Variants in TLL1 observed in about 807,000 individuals in gnomAD.
TLL1 encodes tolloid like 1.
In TLL1, 49 loss-of-function variants were observed where a neutral mutation model predicts 128.2. That is an observed-to-expected ratio of 0.38 (90% CI 0.30 to 0.48). TLL1 has a LOEUF of 0.48. Ranked by LOEUF, TLL1 falls within the 20% of genes least tolerant of loss-of-function variation. TLL1 has a pLI of 0.96. For synonymous variants in TLL1, 454 were observed against 418.8 expected, an observed-to-expected ratio of 1.08 and a Z score of -1.03; for missense variants, 1,123 against 1,242.0, an observed-to-expected ratio of 0.90 and a Z score of 1.44.
intron 1 of TLL1, among the ~76,000 whole-genome samples, chr4:165,957,733 T>G (rs1011746028): frequency 4.0e-5 from 6 of 151,384 alleles, no homozygotes; most frequent in African/African-American, 1.5e-4. Flanking sequence ...TTATTATACT[T>G]TAAGTTTTAG....
At chr4:166,068,873 G>A (rs1740691010) in intron 16 of TLL1, among the ~76,000 whole-genome samples, 1 of 151,738 alleles carries the variant, frequency 6.6e-6, no homozygotes, top group Admixed American at 6.6e-5. Flanking sequence ...AATGTCAGTG[G>A]AAATCTAGGC....
At chr4:165,926,499 G>A (rs945434917) in intron 1 of TLL1, among the ~76,000 whole-genome samples, 13 of 152,288 alleles carry the variant, frequency 8.5e-5, no homozygotes, top group African/African-American at 3.1e-4. Flanking sequence ...AGAGGAAGGT[G>A]ATGCGGATAG....
At position 166,101,043 on chromosome 4, in the gene TLL1, C is replaced by A. The variant is rs531730653; in HGVS notation, c.*167C>A. 52 of 792,652 alleles carry A rather than the reference C, an allele frequency of 6.6e-5. 1 individual carries two copies. Among genetic ancestry groups the A allele is most frequent in the Admixed American group, 1.4e-4 (5 of 35,932 alleles). 49.1% of individuals were successfully genotyped at this position (792,652 alleles called of 1,614,324 possible). ...ACTAAAAGAGAAGTTTCCAGCAAAACCCTCATCAGCATTACAAGGATATTT... is the reference window on the plus strand; with the variant it reads ...ACTAAAAGAGAAGTTTCCAGCAAAAACCTCATCAGCATTACAAGGATATTT... On this transcript the variant is annotated 3_prime_UTR_variant, in exon 21 of 21. Coordinates refer to ENST00000061240, the MANE Select transcript of TLL1 (RefSeq NM_012464.5).
intron 16 of TLL1, among the ~76,000 whole-genome samples, chr4:166,069,075 G>A (rs1158141972): frequency 2.0e-5 from 3 of 151,682 alleles, no homozygotes; most frequent in Non-Finnish European, 4.4e-5. Context: ...CTCCTATCAT[G>A]TTTCCACCTA....
At chr4:166,084,892 G>C (rs1053771842) in intron 18 of TLL1, among the ~76,000 whole-genome samples, 1 of 151,452 alleles carries the variant, frequency 6.6e-6, no homozygotes, top group South Asian at 2.1e-4. Flanking sequence ...GTCTTTTTAT[G>C]GTTCCATACA....
chr4:165,992,873 G>A lies in TLL1; in HGVS notation c.350G>A (p.Arg117Lys). 1 of 1,613,156 alleles carries A rather than the reference G, an allele frequency of 6.2e-7. No individual in the cohort carries two copies. Among genetic ancestry groups the A allele is most frequent in the Non-Finnish European group, 8.5e-7 (1 of 1,179,328 alleles). Residue 117 changes from arginine to lysine, a missense_variant, in exon 3 of 21, where the codon AGA becomes AAA. Arg to Lys is a conservative substitution (Grantham distance 26). Transcript: ENST00000061240. Reference sequence around the variant, plus strand: ...TACCAACTTATAGACAGGATAAGAAGAATTGGCTTTGGTATATCAATGTTT... The same window carrying A: ...TACCAACTTATAGACAGGATAAGAAAAATTGGCTTTGGTATATCAATGTTT... ...ALYQLIDRIR[R>K]IGFGLEQNNT...
intron 1 of TLL1, among the ~76,000 whole-genome samples, chr4:165,894,223 G>A (rs777975861): frequency 6.6e-6 from 1 of 151,992 alleles, no homozygotes; most frequent in African/African-American, 2.4e-5. Context: ...AAATCCCCAA[G>A]TACAAGGAAC....
intron 8 of TLL1, among the ~76,000 whole-genome samples, chr4:166,021,677 C>T (rs192536382): frequency 1.6e-4 from 24 of 152,182 alleles, no homozygotes; most frequent in African/African-American, 4.1e-4. Flanking sequence ...ATGATCCACC[C>T]GCCTCGGCCT....
At chr4:165,909,695 G>T (rs1417658854) in intron 1 of TLL1, among the ~76,000 whole-genome samples, 1 of 152,176 alleles carries the variant, frequency 6.6e-6, no homozygotes, top group Non-Finnish European at 1.5e-5. Context: ...GGGCCTCATG[G>T]TATGATAGGC....
At chr4:166,080,158 TCTG>T (rs1181298438) in intron 18 of TLL1, among the ~76,000 whole-genome samples, 1 of 152,078 alleles carries the variant, frequency 6.6e-6, no homozygotes, top group Admixed American at 6.6e-5. Context: ...GGCCTCTCTT[TCTG>T]GCTTGTATAT....
intron 8 of TLL1, among the ~76,000 whole-genome samples, chr4:166,017,678 C>T (rs1738016340): frequency 6.6e-6 from 1 of 151,916 alleles, no homozygotes; most frequent in African/African-American, 2.4e-5. Flanking sequence ...TAGCCCCCTC[C>T]CTTCCTCTTG....
chr4:166,088,173 T>C (rs1741608991), intron 18 of TLL1, among the ~76,000 whole-genome samples: 1 of 152,134 alleles, frequency 6.6e-6, no homozygotes, highest in South Asian at 2.1e-4. Context: ...GTCTCCATTG[T>C]GAACTTCCAA....
chr4:165,931,975 T>C (rs780628042), intron 1 of TLL1, among the ~76,000 whole-genome samples: 4 of 152,172 alleles, frequency 2.6e-5, no homozygotes, highest in Admixed American at 6.5e-5. Context: ...GAAGCCCTAG[T>C]GGGGACTTTC....
intron 1 of TLL1, among the ~76,000 whole-genome samples, chr4:165,918,383 G>A (rs1036885013): frequency 6.6e-6 from 1 of 152,080 alleles, no homozygotes; most frequent in Non-Finnish European, 1.5e-5. Flanking sequence ...TTTCAGATTT[G>A]TGGTTTTTAA....
intron 1 of TLL1, among the ~76,000 whole-genome samples, chr4:165,968,474 G>A (rs1174921929): frequency 1.1e-4 from 16 of 152,006 alleles, no homozygotes; most frequent in Non-Finnish European, 1.5e-5. Context: ...GCAATGATTG[G>A]TGAAAACACT....
chr4:165,977,371 T>C (rs1426667440), intron 1 of TLL1, among the ~76,000 whole-genome samples: 1 of 152,164 alleles, frequency 6.6e-6, no homozygotes, highest in African/African-American at 2.4e-5. Context: ...CCTGCCTCCA[T>C]GTAAGATGTG....
chr4:165,901,303 T>C (rs1731973882), intron 1 of TLL1, among the ~76,000 whole-genome samples: 1 of 152,160 alleles, frequency 6.6e-6, no homozygotes, highest in South Asian at 2.1e-4. Context: ...TGTGATCCTT[T>C]GGAGGAGGAG....
At chr4:166,081,913 C>A (rs944145889) in intron 18 of TLL1, among the ~76,000 whole-genome samples, 2 of 151,992 alleles carry the variant, frequency 1.3e-5, no homozygotes, top group Non-Finnish European at 2.9e-5. Context: ...TTGAAACATC[C>A]CATCTAACTC....
intron 1 of TLL1, among the ~76,000 whole-genome samples, chr4:165,916,511 A>T (rs529693143): frequency 6.6e-6 from 1 of 152,304 alleles, no homozygotes; most frequent in African/African-American, 2.4e-5. Flanking sequence ...AGTAAGGTGC[A>T]TTGATGGGTG....
Sources: gnomAD v4.1 joint callset for allele counts (sites outside exome capture counted in the v4.1 genomes callset) on GRCh38, gnomAD v4.1.1 for gene constraint, MANE v1.5 for transcripts, NCBI Gene and HGNC (gene_info 2026-07-23, HGNC 2026-07-21) for gene names.